The following EVI5 variants were observed in gnomAD, a reference collection of about 807,000 sequenced individuals.
The protein encoded by EVI5 is ecotropic viral integration site 5.
In EVI5, 73 loss-of-function variants were observed where a neutral mutation model predicts 112.0. The ratio of observed to expected loss-of-function variants is 0.65; its 90% confidence interval spans 0.54 to 0.79. EVI5 has a LOEUF of 0.79. Among genes scored for constraint, EVI5 ranks in the 30% least tolerant of loss-of-function variants. The pLI is 0.00. For synonymous variants in EVI5, 305 were observed against 319.9 expected (o/e 0.95, Z 0.50); for missense variants, 900 against 968.8 (o/e 0.93, Z 0.94).
chr1:92,715,304 C>T (rs1319559996), intron 2 of EVI5, among the ~76,000 whole-genome samples: 1 of 152,094 alleles, frequency 6.6e-6, no homozygotes, highest in South Asian at 2.1e-4. Flanking sequence ...CCACCGTGCC[C>T]TGACAGTTTC....
chr1:92,509,614 C>G lies in EVI5; in HGVS notation c.*4042G>C, dbSNP rs1245076010. On this transcript the variant is annotated 3_prime_UTR_variant, in exon 20 of 20. Coordinates refer to ENST00000684568, the MANE Select transcript of EVI5 (RefSeq NM_001350197.2). ...CCCCAAACTCCTGTACTCTAGTGAT[C>G]CTCCTGCCTCAGCCTCTTGAGTAGG... is the stretch of plus-strand genomic sequence containing the variant. 2 of 152,036 alleles carry G rather than the reference C, an allele frequency of 1.3e-5. No individual in the cohort carries two copies. Among genetic ancestry groups the G allele is most frequent in the African/African-American group, 4.8e-5 (2 of 41,380 alleles). 9.4% of individuals were successfully genotyped at this position (152,036 alleles called of 1,614,324 possible).
intron 2 of EVI5, among the ~76,000 whole-genome samples, chr1:92,721,385 G>C (rs969040178): frequency 6.6e-6 from 1 of 152,170 alleles, no homozygotes; most frequent in Admixed American, 6.5e-5. Context: ...TAGGGACATG[G>C]ATAAAGCTGG....
rs1182798387 is a variant in EVI5, at chr1:92,676,768, A to AGG, written c.1158+389_1158+390insCC. Among the ~76,000 whole-genome samples, 342 of 152,274 alleles carry AGG rather than the reference A, an allele frequency of 2.2e-3. 3 individuals carry two copies. The highest frequency in any genetic ancestry group is 7.5e-3 in the African/African-American group (310 of 41,554). On this transcript the variant is annotated intron_variant, in intron 10 of 19. Coordinates refer to ENST00000684568, the MANE Select transcript of EVI5 (RefSeq NM_001350197.2). Reference sequence around the variant, plus strand: ...TTTCTGCAGCTCTAGAGCAACCATAATTAGTTCTAGTGTAATATATGCTCT... The same window carrying AGG: ...TTTCTGCAGCTCTAGAGCAACCATAAGGTTAGTTCTAGTGTAATATATGCTCT...
chr1:92,593,906 C>G (rs1222048902), intron 18 of EVI5, among the ~76,000 whole-genome samples: 2 of 152,062 alleles, frequency 1.3e-5, no homozygotes, highest in African/African-American at 4.8e-5. Flanking sequence ...AACCACTGCT[C>G]AATGAAATAA....
intron 9 of EVI5, among the ~76,000 whole-genome samples, chr1:92,684,627 G>C (rs1668191929): frequency 6.6e-6 from 1 of 151,930 alleles, no homozygotes; most frequent in African/African-American, 2.4e-5. Context: ...AAAGAGTCAA[G>C]ACCCATCAGT....
rs1031290472 is a variant in EVI5 at position 92,628,665 on chromosome 1, A to T, written c.1528-2731T>A. Among the ~76,000 whole-genome samples, 9 of 152,332 alleles carry T rather than the reference A, an allele frequency of 5.9e-5. 1 individual carries two copies. The highest frequency in any genetic ancestry group is 3.9e-4 in the Admixed American group (6 of 15,298). On this transcript the variant is annotated intron_variant, in intron 14 of 19. Coordinates refer to ENST00000684568, the MANE Select transcript of EVI5 (RefSeq NM_001350197.2). Reference sequence around the variant, plus strand: ...AACTTCTCTGGAGAGTTACCAAGAGATCCAAAATGAGGCCGTAGGGAAAGC... The same window carrying T: ...AACTTCTCTGGAGAGTTACCAAGAGTTCCAAAATGAGGCCGTAGGGAAAGC...
Position 92,535,701 on chromosome 1 carries a change from T to C in EVI5, c.2167-21731A>G, listed in dbSNP as rs189790958. On this transcript the variant is annotated intron_variant, in intron 19 of 19. Coordinates refer to ENST00000684568, the MANE Select transcript of EVI5 (RefSeq NM_001350197.2). ...GCATGTTCTCATTCTTAAGTGGGAG[T>C]TGAACAATGAGAACACATGGACACA... is the stretch of plus-strand genomic sequence containing the variant. Among the ~76,000 whole-genome samples the C allele has an allele frequency of 8.6e-5, 13 of 151,572 alleles. No individual in the cohort carries two copies. In the East Asian group the frequency reaches 1.9e-3, roughly 23 times the overall value.
At chr1:92,516,841 A>T (rs1659968872) in intron 19 of EVI5, among the ~76,000 whole-genome samples, 1 of 151,794 alleles carries the variant, frequency 6.6e-6, no homozygotes, top group South Asian at 2.1e-4. Flanking sequence ...AGCAACAACA[A>T]AAAGCAGGCA....
intron 11 of EVI5, among the ~76,000 whole-genome samples, chr1:92,663,770 C>G (rs1664414334): frequency 6.6e-6 from 1 of 152,106 alleles, no homozygotes; most frequent in Non-Finnish European, 1.5e-5. Flanking sequence ...GAGACAGGGT[C>G]TCACTCTGTC....
At chr1:92,737,109 A>G in intron 1 of EVI5, among the ~76,000 whole-genome samples, 1 of 152,214 alleles carries the variant, frequency 6.6e-6, no homozygotes, top group East Asian at 1.9e-4. Context: ...TAACAATTCA[A>G]CAAAAACTGG....
chr1:92,517,885 CTTTTTTTT>C (rs35504849), intron 19 of EVI5, among the ~76,000 whole-genome samples: 3 of 102,248 alleles, frequency 2.9e-5, no homozygotes, highest in Non-Finnish European at 5.8e-5. Flanking sequence ...ATATTATATG[CTTTTTTTT>C]TTTTTTTTTT....
intron 18 of EVI5, among the ~76,000 whole-genome samples, chr1:92,568,585 T>A (rs1247275996): frequency 2.0e-5 from 3 of 152,106 alleles, no homozygotes; most frequent in Admixed American, 6.5e-5. Flanking sequence ...CCAGGTACCA[T>A]CCTTGGAAGA....
chr1:92,694,183 T>G, intron 8 of EVI5, 116 bp downstream of exon 8: 1 of 648,482 alleles, frequency 1.5e-6, no homozygotes, highest in East Asian at 2.7e-5. Flanking sequence ...GAGGATCACT[T>G]GAACCTGGGA....
At chr1:92,516,471 T>C (rs886422219) in intron 19 of EVI5, among the ~76,000 whole-genome samples, 1 of 152,058 alleles carries the variant, frequency 6.6e-6, no homozygotes, top group Admixed American at 6.6e-5. Context: ...AATTTATTGG[T>C]GGAGAGAAAA....
rs1455987082 is a variant in EVI5, at chr1:92,509,923, TTAAA to T, written c.*3729_*3732del. The stretch of plus-strand genomic sequence containing the variant: ...TTCAAATATCACAAAATGTCAGTAA[TTAAA>T]TAAAATTCATCGAGAACATTGTTCA... On this transcript the variant is annotated 3_prime_UTR_variant, in exon 20 of 20. Coordinates refer to ENST00000684568, the MANE Select transcript of EVI5 (RefSeq NM_001350197.2). 2.6e-5 allele frequency: 4 copies of T among 152,146 alleles called. No homozygotes were observed. The highest frequency in any genetic ancestry group is 9.7e-5 in the African/African-American group (4 of 41,442). 9.4% of individuals were successfully genotyped at this position (152,146 alleles called of 1,614,324 possible).
chr1:92,626,180 A>T (rs548330199), intron 14 of EVI5, among the ~76,000 whole-genome samples: 2 of 152,312 alleles, frequency 1.3e-5, no homozygotes, highest in African/African-American at 4.8e-5. Context: ...TGCAAAAAAG[A>T]AAACCTATAC....
chr1:92,605,357 T>C lies in EVI5; in HGVS notation c.2020A>G (p.Ile674Val), dbSNP rs973546189. The change falls in exon 18 of 20, where the codon ATA becomes GTA. Residue 674 changes from isoleucine (I) to valine (V), a missense_variant. Coordinates refer to ENST00000684568, the MANE Select transcript of EVI5 (RefSeq NM_001350197.2). ...TGTCGTAGTTCAGCCACAGCAGCTA[T>C]GCTATCTGCTTCCCGAAGCCTCACA... ...MAVRLREADS[I>V]AAVAELRQHI... The C allele has an allele frequency of 9.9e-6, 16 of 1,613,652 alleles. No individual in the cohort carries two copies. The highest frequency in any genetic ancestry group is 1.7e-5 in the Admixed American group (1 of 59,992).
At chr1:92,739,592 T>C (rs1000858243) in intron 1 of EVI5, among the ~76,000 whole-genome samples, 2 of 152,196 alleles carry the variant, frequency 1.3e-5, no homozygotes, top group African/African-American at 4.8e-5. Flanking sequence ...ATTTATGGTA[T>C]ATAAATTATA....
Position 92,717,211 on chromosome 1 carries a change from C to T in EVI5, c.150-12467G>A, listed in dbSNP as rs1673874256. 2.0e-5 allele frequency among the ~76,000 whole-genome samples: 3 copies of T among 151,998 alleles called. No homozygotes were observed. The South Asian group carries it at 6.2e-4, about 32-fold the overall frequency. ...GACTGAAGTTCAAATTAATGAAATA[C>T]TCCTCAAGAAGAGCAACCCCAAGAC... On this transcript the variant is annotated intron_variant, in intron 2 of 19. Coordinates refer to ENST00000684568, the MANE Select transcript of EVI5 (RefSeq NM_001350197.2).
Sources: allele counts gnomAD v4.1 joint callset (sites outside exome capture counted in the v4.1 genomes callset), GRCh38; gene constraint gnomAD v4.1.1; transcripts MANE v1.5; gene names NCBI Gene and HGNC (gene_info 2026-07-23, HGNC 2026-07-21).